Variants in SLC71A2 observed in about 807,000 individuals in gnomAD.
SLC71A2 encodes the protein solute carrier family 71 member 2, also known as hippocampus abundant transcript-like 1.
the SLC71A2 span, among the ~76,000 whole-genome samples, chr9:94,404,020 G>A: frequency 6.6e-6 from 1 of 152,146 alleles, no homozygotes; most frequent in Admixed American, 6.5e-5. Flanking sequence ...TTGTGGGAGA[G>A]GGCTCATCCT....
the SLC71A2 span, among the ~76,000 whole-genome samples, chr9:94,413,647 G>A: frequency 3.2e-5 from 3 of 92,472 alleles, no homozygotes; most frequent in Admixed American, 1.7e-4. Context: ...GCAACAAAGC[G>A]AGACTTCATC....
At chr9:94,428,244 A>C in the SLC71A2 span, among the ~76,000 whole-genome samples, 29,760 of 150,548 alleles carry the variant, frequency 0.2, 3,157 homozygotes, top group Middle Eastern at 0.29. Flanking sequence ...TCTAGTCTTT[A>C]TATTCTTTAA....
chr9:94,430,223 A>ATTTTT, the SLC71A2 span, among the ~76,000 whole-genome samples: 1 of 102,450 alleles, frequency 9.8e-6, no homozygotes, highest in Non-Finnish European at 2.1e-5. Context: ...CTTTTAAATA[A>ATTTTT]TTTTTTTTTT....
the SLC71A2 span, among the ~76,000 whole-genome samples, chr9:94,376,530 A>G: frequency 1.1e-4 from 17 of 151,490 alleles, no homozygotes; most frequent in South Asian, 3.1e-3. Context: ...TACAGAATAA[A>G]AAAATAAATT....
At chr9:94,432,279 TC>T in the SLC71A2 span, among the ~76,000 whole-genome samples, 1 of 151,932 alleles carries the variant, frequency 6.6e-6, no homozygotes, top group African/African-American at 2.4e-5. Flanking sequence ...GGTGGGCTGA[TC>T]ACCTGAGGTT....
the SLC71A2 span, chr9:94,458,301 A>G: frequency 6.3e-7 from 1 of 1,592,372 alleles, no homozygotes; most frequent in Non-Finnish European, 8.5e-7. Context: ...GACTGGCATT[A>G]TTTTCTTTGT....
the SLC71A2 span, among the ~76,000 whole-genome samples, chr9:94,396,428 T>C: frequency 2.0e-5 from 3 of 152,136 alleles, no homozygotes; most frequent in Non-Finnish European, 2.9e-5. Flanking sequence ...GGCATGAAAA[T>C]GTCTTGAACC....
chr9:94,457,978 C>T, the SLC71A2 span, among the ~76,000 whole-genome samples: 1 of 152,142 alleles, frequency 6.6e-6, no homozygotes, highest in Non-Finnish European at 1.5e-5. Context: ...GACACCAGGG[C>T]TGCCAGAGGT....
the SLC71A2 span, among the ~76,000 whole-genome samples, chr9:94,422,885 CA>C: frequency 5.9e-5 from 9 of 151,366 alleles, no homozygotes; most frequent in African/African-American, 2.2e-4. Context: ...TATACGCACA[CA>C]TATACTTATT....
chr9:94,444,864 C>A, the SLC71A2 span: 2 of 1,079,066 alleles, frequency 1.9e-6, no homozygotes, highest in Non-Finnish European at 2.8e-6. Flanking sequence ...GTGTGCTTTC[C>A]TGAAGGTGTG....
chr9:94,392,759 A>G, the SLC71A2 span, among the ~76,000 whole-genome samples: 1 of 152,216 alleles, frequency 6.6e-6, no homozygotes, highest in Non-Finnish European at 1.5e-5. Context: ...TTGGCCTCCC[A>G]AAGTGCTGGG....
chr9:94,435,647 CTT>C, the SLC71A2 span, among the ~76,000 whole-genome samples: 1 of 81,840 alleles, frequency 1.2e-5, no homozygotes, highest in East Asian at 3.2e-4. Flanking sequence ...CTTTTTCCTT[CTT>C]CTTTTTTTTT....
the SLC71A2 span, chr9:94,438,374 T>A: frequency 6.2e-7 from 1 of 1,614,134 alleles, no homozygotes; most frequent in Non-Finnish European, 8.5e-7. Context: ...ATTATAAAAC[T>A]AACCTTTGCT....
At chr9:94,409,892 T>C in the SLC71A2 span, among the ~76,000 whole-genome samples, 1 of 126,636 alleles carries the variant, frequency 7.9e-6, no homozygotes, top group African/African-American at 2.9e-5. Flanking sequence ...TGAGGATTTA[T>C]ATCTTGTTGG....
the SLC71A2 span, among the ~76,000 whole-genome samples, chr9:94,424,603 T>A: frequency 6.6e-6 from 1 of 152,042 alleles, no homozygotes. Context: ...AAGCCTTTTT[T>A]ATGTCTGTAT....
the SLC71A2 span, among the ~76,000 whole-genome samples, chr9:94,416,386 C>T: frequency 5.3e-5 from 8 of 152,140 alleles, no homozygotes; most frequent in African/African-American, 1.9e-4. Context: ...TGGAGCTTAA[C>T]TCTTCCTAAT....
At chr9:94,405,099 C>A in the SLC71A2 span, among the ~76,000 whole-genome samples, 2 of 151,982 alleles carry the variant, frequency 1.3e-5, no homozygotes, top group Non-Finnish European at 2.9e-5. Context: ...AAAGACTGTC[C>A]TTCCTTTCTC....
chr9:94,456,514 C>T, the SLC71A2 span, among the ~76,000 whole-genome samples: 3 of 152,198 alleles, frequency 2.0e-5, no homozygotes, highest in Non-Finnish European at 4.4e-5. Flanking sequence ...CTGCTTTGAT[C>T]TTACACTTAT....
the SLC71A2 span, among the ~76,000 whole-genome samples, chr9:94,379,553 C>T: frequency 6.6e-6 from 1 of 150,486 alleles, no homozygotes; most frequent in Non-Finnish European, 1.5e-5. Flanking sequence ...CTATGCCTGG[C>T]TAGTTTTTAA....
Sources: gnomAD v4.1 joint callset for allele counts (sites outside exome capture counted in the v4.1 genomes callset) on GRCh38, gnomAD v4.1.1 for gene constraint, MANE v1.5 for transcripts, NCBI Gene and HGNC (gene_info 2026-07-23, HGNC 2026-07-21) for gene names.